The following HRH1 variants were observed in gnomAD, a reference collection of about 807,000 sequenced individuals.
HRH1 encodes histamine receptor H1.
HRH1 carries 6 observed loss-of-function variants against 10.3 expected under a neutral mutation model. The observed-to-expected ratio is 0.58, with a 90% CI of 0.32 to 1.15. The LOEUF (loss-of-function observed/expected upper bound fraction) is 1.15. Ranked by LOEUF, HRH1 falls within the 50% of genes most tolerant of loss-of-function variation. The probability of loss-of-function intolerance (pLI) is 0.05; values close to 1 mark genes in which losing one functional copy is unlikely to be tolerated. For missense variants in HRH1, 514 were observed against 615.3 expected, an observed-to-expected ratio of 0.84 and a Z score of 1.74; for synonymous variants, 242 against 236.7, an observed-to-expected ratio of 1.02 and a Z score of -0.21.
rs72494905 is a variant in HRH1 at position 11,166,986 on chromosome 3, C to A, written c.-36+12432C>A. ...TCTGCTGCCCCCTGGCTTCTCCAGG[C>A]GCATGACATCTACTGTCCCTTGGCT... On this transcript the variant is annotated intron_variant, in intron 1 of 1. Coordinates refer to ENST00000431010, the MANE Select transcript of HRH1 (RefSeq NM_001098212.2). 4.7e-5 allele frequency among the ~76,000 whole-genome samples: 7 copies of A among 148,492 alleles called. No individual in the cohort carries two copies. In the East Asian group the frequency reaches 1.5e-3, roughly 31 times the overall value.
At position 11,186,034 on chromosome 3, in the gene HRH1, C is replaced by T. The variant is rs778288138; in HGVS notation, c.-36+31480C>T. Among the ~76,000 whole-genome samples, 5 of 152,100 alleles carry T rather than the reference C, an allele frequency of 3.3e-5. No homozygotes were observed. The East Asian group carries it at 5.8e-4, about 18-fold the overall frequency. Reference sequence around the variant, plus strand: ...CCCCCTTCCAGATTTCCTGCTCTGCCGAGAATTCCCTTGCTCCTCCTGCCC... The same window carrying T: ...CCCCCTTCCAGATTTCCTGCTCTGCTGAGAATTCCCTTGCTCCTCCTGCCC... On this transcript the variant is annotated intron_variant, in intron 1 of 1. Transcript: ENST00000431010.
rs924585564 is a variant in HRH1, at chr3:11,181,756, C to T, written c.-36+27202C>T. On this transcript the variant is annotated intron_variant, in intron 1 of 1. Transcript: ENST00000431010. ...ACAACATTCTCCTGCCTCAGCCTCC[C>T]GAGTAGCCGGGACTACAGGCGCCCG... Among the ~76,000 whole-genome samples, 11 of 151,902 alleles carry T rather than the reference C, an allele frequency of 7.2e-5. No individual in the cohort carries two copies. The South Asian group carries it at 8.3e-4, about 11-fold the overall frequency.
At chr3:11,204,079 A>G (rs1035694806) in intron 1 of HRH1, among the ~76,000 whole-genome samples, 1 of 152,206 alleles carries the variant, frequency 6.6e-6, no homozygotes, top group African/African-American at 2.4e-5. Context: ...CTGTGTGCCA[A>G]AAATCATTTA....
At chr3:11,182,471 T>G (rs1364683781) in intron 1 of HRH1, among the ~76,000 whole-genome samples, 1 of 152,212 alleles carries the variant, frequency 6.6e-6, no homozygotes, top group Non-Finnish European at 1.5e-5. Context: ...CAGGGCCATA[T>G]AAGCCTCCAG....
At chr3:11,153,992 CT>C (rs1936713807), upstream of HRH1, among the ~76,000 whole-genome samples, 1 of 152,270 alleles carries the variant, frequency 6.6e-6, no homozygotes, top group African/African-American at 2.4e-5. Context: ...TTTGGCGCCC[CT>C]AGCAGGAATG....
chr3:11,233,664 C>T (rs1210707878), intron 1 of HRH1, among the ~76,000 whole-genome samples: 1 of 152,134 alleles, frequency 6.6e-6, no homozygotes, highest in Non-Finnish European at 1.5e-5. Flanking sequence ...TCCAAATCTT[C>T]ATCGTCCAAA....
intron 1 of HRH1, among the ~76,000 whole-genome samples, chr3:11,238,668 T>A (rs1361046357): frequency 4.6e-5 from 7 of 152,178 alleles, no homozygotes; most frequent in Admixed American, 1.3e-4. Context: ...ACATTTCTGT[T>A]TTTTCCAAAA....
intron 1 of HRH1, among the ~76,000 whole-genome samples, chr3:11,246,737 A>AT (rs1939500352): frequency 6.6e-6 from 1 of 152,292 alleles, no homozygotes; most frequent in South Asian, 2.1e-4. Flanking sequence ...AAAAATACAG[A>AT]TTTTTTTAAA....
intron 1 of HRH1, among the ~76,000 whole-genome samples, chr3:11,233,051 C>T (rs1939083601): frequency 1.3e-5 from 2 of 152,038 alleles, no homozygotes; most frequent in Admixed American, 1.3e-4. Flanking sequence ...CTTTCATTTT[C>T]AAGAGTTTAA....
At position 11,257,523 on chromosome 3, in the gene HRH1, G is replaced by T. The variant is rs557542639; in HGVS notation, c.-35-1480G>T. Reference sequence around the variant, plus strand: ...TGTAGTGAGCCAAGATGGTGCCATTGCACTCCAGTCTGGGTGACAGAGTGA... The same window carrying T: ...TGTAGTGAGCCAAGATGGTGCCATTTCACTCCAGTCTGGGTGACAGAGTGA... On this transcript the variant is annotated intron_variant, in intron 1 of 1. Transcript: ENST00000431010. 1.7e-4 allele frequency among the ~76,000 whole-genome samples: 26 copies of T among 150,994 alleles called. No homozygotes were observed. The South Asian group carries it at 5.2e-3, about 30-fold the overall frequency.
intron 1 of HRH1, among the ~76,000 whole-genome samples, chr3:11,172,380 C>G (rs1383632652): frequency 6.6e-6 from 1 of 152,232 alleles, no homozygotes; most frequent in Non-Finnish European, 1.5e-5. Context: ...TCCTACTAAG[C>G]AGGCAGTGGC....
intron 1 of HRH1, among the ~76,000 whole-genome samples, chr3:11,236,527 G>C (rs1287830398): frequency 6.6e-6 from 1 of 152,206 alleles, no homozygotes; most frequent in African/African-American, 2.4e-5. Flanking sequence ...TGTTCATCCG[G>C]TGGCTATCAT....
At chr3:11,254,500 G>A (rs906378452) in intron 1 of HRH1, among the ~76,000 whole-genome samples, 1 of 152,132 alleles carries the variant, frequency 6.6e-6, no homozygotes, top group African/African-American at 2.4e-5. Flanking sequence ...TGCCCCCAAG[G>A]TTTTTCTTAC....
At chr3:11,170,113 G>A (rs17034073) in intron 1 of HRH1, among the ~76,000 whole-genome samples, 2 of 152,110 alleles carry the variant, frequency 1.3e-5, no homozygotes, top group Non-Finnish European at 2.9e-5. Flanking sequence ...CACCACGAAC[G>A]AGCTGTGTGA....
At chr3:11,221,686 C>G (rs1221853983) in intron 1 of HRH1, among the ~76,000 whole-genome samples, 1 of 152,170 alleles carries the variant, frequency 6.6e-6, no homozygotes, top group Non-Finnish European at 1.5e-5. Context: ...TCACCACCAT[C>G]CACCTCCAGA....
chr3:11,233,446 C>A (rs1004072672), intron 1 of HRH1, among the ~76,000 whole-genome samples: 1 of 152,032 alleles, frequency 6.6e-6, no homozygotes, highest in African/African-American at 2.4e-5. Flanking sequence ...AGGTAGAAAT[C>A]ATGTTTCCTT....
chr3:11,197,043 T>C (rs1188757897), intron 1 of HRH1, among the ~76,000 whole-genome samples: 1 of 145,760 alleles, frequency 6.9e-6, no homozygotes, highest in Admixed American at 6.9e-5. Context: ...GAGAGTGGCG[T>C]GAACTCAGGA....
intron 1 of HRH1, among the ~76,000 whole-genome samples, chr3:11,203,928 T>C (rs1241403634): frequency 3.3e-5 from 5 of 152,206 alleles, no homozygotes; most frequent in Non-Finnish European, 5.9e-5. Context: ...ATAAATCAAG[T>C]TGGTAAAAAC....
intron 1 of HRH1, among the ~76,000 whole-genome samples, chr3:11,242,509 A>AAAAAAAAT (rs1559283215): frequency 5.8e-5 from 7 of 120,768 alleles, no homozygotes; most frequent in African/African-American, 2.3e-4. Context: ...AAAAAAAAAA[A>AAAAAAAAT]GCTGTAACAC....
Sources: gnomAD v4.1 joint callset for allele counts (sites outside exome capture counted in the v4.1 genomes callset) on GRCh38, gnomAD v4.1.1 for gene constraint, MANE v1.5 for transcripts, NCBI Gene and HGNC (gene_info 2026-07-23, HGNC 2026-07-21) for gene names.